The following ECRG4 variants were observed in gnomAD, a reference collection of about 807,000 sequenced individuals.
ECRG4 encodes ECRG4 augurin precursor, also known as augurin.
In ECRG4, 18 loss-of-function variants were observed where a neutral mutation model predicts 15.8. The observed-to-expected ratio is 1.14, with a 90% CI of 0.79 to 1.69. The LOEUF (loss-of-function observed/expected upper bound fraction) is 1.69, where lower values mean the gene tolerates loss of function less well. Ranked by LOEUF, ECRG4 falls within the 40% of genes most tolerant of loss-of-function variation. The pLI, the probability that ECRG4 is intolerant of heterozygous loss-of-function variation, is 0.00. For missense variants in ECRG4, 200 were observed against 190.9 expected (o/e 1.05, Z -0.28); for synonymous variants, 82 against 73.9 (o/e 1.11, Z -0.56).
intron 1 of ECRG4, among the ~76,000 whole-genome samples, chr2:106,066,775 A>G (rs1480663132): frequency 1.3e-5 from 2 of 152,146 alleles, no homozygotes; most frequent in African/African-American, 4.8e-5. Context: ...TATTTTGCTC[A>G]TTCGAAACAG....
At position 106,073,796 on chromosome 2, in the gene ECRG4, G is replaced by A. The variant is rs1676421132; in HGVS notation, c.128-90G>A. 5 of 1,478,442 alleles carry A rather than the reference G, an allele frequency of 3.4e-6. No homozygotes were observed. The South Asian group carries it at 3.6e-5, about 11-fold the overall frequency. 91.6% of individuals were successfully genotyped at this position (1,478,442 alleles called of 1,614,324 possible). A position where few individuals can be genotyped will look rare whatever the true frequency, so the allele number is the denominator to read the frequency against. Reference sequence around the variant, plus strand: ...AGTCAAAACCCTCCTACACATGGTGGTGGGGGATGGGATGTATAACAGGGA... The same window carrying A: ...AGTCAAAACCCTCCTACACATGGTGATGGGGGATGGGATGTATAACAGGGA... On this transcript the variant is annotated intron_variant, in intron 2 of 3. Transcript: ENST00000238044.
Position 106,078,002 on chromosome 2 carries a change from G to T in ECRG4, c.*76G>T. Reference sequence around the variant, plus strand: ...TATCTCCTAATGCCTTACACTACTTGGTTTCTGATTTGCTCTATTTCAGCA... The same window carrying T: ...TATCTCCTAATGCCTTACACTACTTTGTTTCTGATTTGCTCTATTTCAGCA... On this transcript the variant is annotated 3_prime_UTR_variant, in exon 4 of 4. Transcript: ENST00000238044. The T allele has an allele frequency of 2.1e-6, 3 of 1,396,174 alleles. No homozygotes were observed. The highest frequency in any genetic ancestry group is 2.5e-5 in the East Asian group (1 of 39,832). 86.5% of individuals were successfully genotyped at this position (1,396,174 alleles called of 1,614,324 possible).
chr2:106,074,011 C>A lies in ECRG4; in HGVS notation c.253C>A (p.Gln85Lys). The A allele has an allele frequency of 1.2e-6, 2 of 1,613,698 alleles. No individual in the cohort carries two copies. Among genetic ancestry groups the A allele is most frequent in the Non-Finnish European group, 1.7e-6 (2 of 1,180,044 alleles). ...RTRPEVQQWYQQFLYMGFDEA... is the reference protein window; with the variant it reads ...RTRPEVQQWYKQFLYMGFDEA... ...TCGGCCCGAGGTGCAGCAGTGGTAC[C>A]AGCAGTTTCTCTACATGGGCTTTGA... The change falls in exon 3 of 4, where the codon CAG becomes AAG. Residue 85 changes from glutamine to lysine, a missense_variant. Coordinates refer to ENST00000238044, the MANE Select transcript of ECRG4 (RefSeq NM_032411.3).
intron 1 of ECRG4, chr2:106,070,985 T>G: frequency 2.1e-6 from 1 of 471,348 alleles, no homozygotes; most frequent in Non-Finnish European, 4.4e-6. Flanking sequence ...TGGAGGCGTG[T>G]GTTCTATCAG....
chr2:106,065,929 C>T lies in ECRG4; in HGVS notation c.79+86C>T, dbSNP rs886941984. On this transcript the variant is annotated intron_variant, in intron 1 of 3. Transcript: ENST00000238044. ...TTCCATGGTGCCCGGGGAGAGCGATCGGTGATGGGGTGGCGGCGTAGGGAC... is the reference window on the plus strand; with the variant it reads ...TTCCATGGTGCCCGGGGAGAGCGATTGGTGATGGGGTGGCGGCGTAGGGAC... 8 of 1,220,520 alleles carry T rather than the reference C, an allele frequency of 6.6e-6. No individual in the cohort carries two copies. In the African/African-American group the frequency reaches 9.7e-5, roughly 15 times the overall value. The allele number at this position is 1,220,520 out of a possible 1,614,324, so 75.6% of individuals were successfully genotyped here. A position where few individuals can be genotyped will look rare whatever the true frequency, so the allele number is the denominator to read the frequency against.
intron 1 of ECRG4, among the ~76,000 whole-genome samples, chr2:106,068,970 G>A (rs1252708057): frequency 6.6e-6 from 1 of 152,100 alleles, no homozygotes; most frequent in East Asian, 1.9e-4. Context: ...AACCCCCCAA[G>A]GCCATTTGTC....
chr2:106,069,148 T>TTTCTTTTC (rs1553411753), intron 1 of ECRG4, among the ~76,000 whole-genome samples: 1 of 131,878 alleles, frequency 7.6e-6, no homozygotes, highest in Non-Finnish European at 1.6e-5. Context: ...TCTTTCTTTC[T>TTTCTTTTC]TTTCTTTCTT....
intron 1 of ECRG4, among the ~76,000 whole-genome samples, chr2:106,068,962 C>G (rs1325378399): frequency 2.0e-5 from 3 of 152,200 alleles, no homozygotes; most frequent in African/African-American, 4.8e-5. Flanking sequence ...TAATCTCAAA[C>G]CCCCCAAGGC....
At chr2:106,072,306 A>T (rs1283308780) in intron 2 of ECRG4, 7 of 164,898 alleles carry the variant, frequency 4.2e-5, no homozygotes, top group Non-Finnish European at 1.3e-5. Flanking sequence ...TTCAAACAGG[A>T]AAGCCTTTCT....
intron 1 of ECRG4, among the ~76,000 whole-genome samples, chr2:106,071,349 A>AAAAAAAAAAAAAG (rs1676366428): frequency 7.3e-6 from 1 of 137,526 alleles, no homozygotes; most frequent in African/African-American, 2.6e-5. Flanking sequence ...AAAAAAAAAA[A>AAAAAAAAAAAAAG]AAAGAAAGAA....
At chr2:106,063,737 C>T (rs1322883224), upstream of ECRG4, among the ~76,000 whole-genome samples, 2 of 152,198 alleles carry the variant, frequency 1.3e-5, no homozygotes, top group Non-Finnish European at 2.9e-5. Context: ...CACGCACCAC[C>T]ACGCCTGGCT....
Position 106,065,779 on chromosome 2 carries a change from C to G in ECRG4, c.15C>G (p.Pro5=), listed in dbSNP as rs4266035. 317,828 of 1,479,636 alleles carry G rather than the reference C, an allele frequency of 0.21. 35,932 individuals carry two copies. The highest frequency in any genetic ancestry group is 0.34 in the South Asian group (26,403 of 77,610). The allele number at this position is 1,479,636 out of a possible 1,614,324, so 91.7% of individuals were successfully genotyped here. ...GCCCCGCCGCCATGGCTGCCTCCCC[C>G]GCGCGGCCTGCTGTCCTGGCCCTGA... MAAS[P]ARPAVLALTG... The change falls in exon 1 of 4, where the codon CCC becomes CCG. Residue 5 remains proline, a synonymous_variant. Transcript: ENST00000238044.
intron 1 of ECRG4, chr2:106,071,005 G>A (rs372725190): frequency 2.1e-6 from 1 of 471,098 alleles, no homozygotes. Flanking sequence ...GGCCAGACAA[G>A]GTATTTTCTA....
intron 1 of ECRG4, among the ~76,000 whole-genome samples, chr2:106,069,143 C>CT (rs1002560487): frequency 3.8e-4 from 48 of 126,756 alleles, no homozygotes; most frequent in Admixed American, 2.1e-3. Flanking sequence ...TTCTTTCTTT[C>CT]TTTCTTTTCT....
upstream of ECRG4, among the ~76,000 whole-genome samples, chr2:106,064,875 C>T (rs557927227): frequency 6.6e-6 from 1 of 152,280 alleles, no homozygotes; most frequent in Non-Finnish European, 1.5e-5. Flanking sequence ...CACTACGCCT[C>T]CTTTCACGTG....
intron 3 of ECRG4, among the ~76,000 whole-genome samples, chr2:106,076,767 T>C (rs1311839514): frequency 6.6e-6 from 1 of 152,148 alleles, no homozygotes; most frequent in East Asian, 1.9e-4. Context: ...GTGATTTGGA[T>C]GTTGGGGTGC....
chr2:106,078,113 T>G lies in ECRG4; in HGVS notation c.*187T>G. 2.2e-6 allele frequency: 1 copy of G among 450,726 alleles called. No individual in the cohort carries two copies. The highest frequency in any genetic ancestry group is 3.8e-6 in the Non-Finnish European group (1 of 264,270). 27.9% of individuals were successfully genotyped at this position (450,726 alleles called of 1,614,324 possible). ...CCTTTTGATATTTCATGGGAATGCC[T>G]CTCATTTAAAAATAGAAATAAAGCA... On this transcript the variant is annotated 3_prime_UTR_variant, in exon 4 of 4. Coordinates refer to ENST00000238044, the MANE Select transcript of ECRG4 (RefSeq NM_032411.3).
chr2:106,066,975 C>G (rs1009000704), intron 1 of ECRG4, among the ~76,000 whole-genome samples: 2 of 147,548 alleles, frequency 1.4e-5, no homozygotes, highest in Non-Finnish European at 1.5e-5. Context: ...TACCTGCCTC[C>G]CACTCTTTGT....
intron 3 of ECRG4, 56 bp downstream of exon 3, chr2:106,074,099 G>A (rs1250529805): frequency 4.4e-6 from 7 of 1,594,588 alleles, no homozygotes; most frequent in Non-Finnish European, 6.0e-6. Flanking sequence ...TGGCAGGGAG[G>A]AGGCCTGGCT....
Sources: allele counts gnomAD v4.1 joint callset (sites outside exome capture counted in the v4.1 genomes callset), GRCh38; gene constraint gnomAD v4.1.1; transcripts MANE v1.5; gene names NCBI Gene and HGNC (gene_info 2026-07-23, HGNC 2026-07-21).